The following PCED1B variants were observed in gnomAD, a reference collection of about 807,000 sequenced individuals.
The protein encoded by PCED1B is PC-esterase domain containing 1B.
For missense variants in PCED1B, 573 were observed against 573.9 expected, an observed-to-expected ratio of 1.00 and a Z score of 0.02; for synonymous variants, 251 against 246.1, an observed-to-expected ratio of 1.02 and a Z score of -0.19.
At chr12:47,125,228 A>G (rs910345119) in intron 2 of PCED1B, among the ~76,000 whole-genome samples, 1 of 151,756 alleles carries the variant, frequency 6.6e-6, no homozygotes, top group Admixed American at 6.6e-5. Flanking sequence ...TTGTTTGTGT[A>G]TTGATTGCAA....
chr12:47,228,031 T>A (rs970736756), intron 3 of PCED1B, among the ~76,000 whole-genome samples: 2 of 136,264 alleles, frequency 1.5e-5, no homozygotes, highest in Non-Finnish European at 3.1e-5. Context: ...CTTTGTTTTT[T>A]CTTTTCCTTT....
intron 3 of PCED1B, 119 bp downstream of exon 3, chr12:47,216,808 C>T (rs769025670): frequency 1.3e-5 from 2 of 152,250 alleles, no homozygotes; most frequent in African/African-American, 4.8e-5. Flanking sequence ...GCACCCTAGC[C>T]TCCTTCAGCC....
intron 2 of PCED1B, among the ~76,000 whole-genome samples, chr12:47,143,255 T>C (rs1393883234): frequency 1.3e-5 from 2 of 152,226 alleles, no homozygotes; most frequent in South Asian, 4.1e-4. Flanking sequence ...GCATCTAAAT[T>C]GGAATGATAA....
chr12:47,209,372 G>C (rs1055863467), intron 2 of PCED1B: 3 of 152,288 alleles, frequency 2.0e-5, no homozygotes, highest in African/African-American at 7.2e-5. Context: ...TGTAATCCCG[G>C]CTACTCGGGA....
intron 2 of PCED1B, among the ~76,000 whole-genome samples, chr12:47,185,660 G>C (rs752464659): frequency 2.6e-5 from 4 of 151,782 alleles, no homozygotes; most frequent in Non-Finnish European, 5.9e-5. Context: ...TTGGTGGCAG[G>C]CACCTGTAAT....
intron 2 of PCED1B, among the ~76,000 whole-genome samples, chr12:47,215,995 A>G (rs1216893758): frequency 6.6e-6 from 1 of 152,074 alleles, no homozygotes; most frequent in African/African-American, 2.4e-5. Flanking sequence ...AGAGGTTGCA[A>G]TGAGCCGAGA....
chr12:47,103,089 C>T (rs926184852), intron 1 of PCED1B, among the ~76,000 whole-genome samples: 5 of 151,806 alleles, frequency 3.3e-5, no homozygotes, highest in Admixed American at 3.3e-4. Flanking sequence ...CTGAAGCAAA[C>T]CAAGAACAGA....
At chr12:47,176,322 C>G (rs892184082) in intron 2 of PCED1B, among the ~76,000 whole-genome samples, 1 of 152,128 alleles carries the variant, frequency 6.6e-6, no homozygotes, top group African/African-American at 2.4e-5. Context: ...AGCTCCTAAT[C>G]CCTTGGAAAT....
At chr12:47,212,319 G>T (rs1484273268) in intron 2 of PCED1B, among the ~76,000 whole-genome samples, 1 of 152,112 alleles carries the variant, frequency 6.6e-6, no homozygotes, top group Non-Finnish European at 1.5e-5. Flanking sequence ...ACCGGAATTG[G>T]AAAACTAAGC....
intron 2 of PCED1B, among the ~76,000 whole-genome samples, chr12:47,178,594 C>A (rs1388021732): frequency 6.6e-6 from 1 of 151,632 alleles, no homozygotes; most frequent in East Asian, 1.9e-4. Flanking sequence ...TGAGGCCAGG[C>A]GCGGTGGTTC....
chr12:47,150,456 T>C (rs1190642138), intron 2 of PCED1B, among the ~76,000 whole-genome samples: 1 of 151,700 alleles, frequency 6.6e-6, no homozygotes, highest in Non-Finnish European at 1.5e-5. Flanking sequence ...TGCGTGCCTG[T>C]AGTCCCAGCT....
At chr12:47,222,921 G>A (rs773357504) in intron 3 of PCED1B, among the ~76,000 whole-genome samples, 10 of 152,162 alleles carry the variant, frequency 6.6e-5, no homozygotes, top group African/African-American at 1.4e-4. Flanking sequence ...AGGGTTTGGG[G>A]TGCTACTAAT....
intron 2 of PCED1B, among the ~76,000 whole-genome samples, chr12:47,176,918 G>A (rs1941943656): frequency 6.6e-6 from 1 of 152,078 alleles, no homozygotes. Context: ...AGTACGATAG[G>A]AAGAAAAACA....
intron 2 of PCED1B, among the ~76,000 whole-genome samples, chr12:47,141,110 T>C (rs1295230668): frequency 6.6e-6 from 1 of 152,214 alleles, no homozygotes; most frequent in Admixed American, 6.5e-5. Flanking sequence ...CTGGCTTTGC[T>C]CTTTACTAGG....
intron 1 of PCED1B, among the ~76,000 whole-genome samples, chr12:47,084,896 G>A (rs1937905093): frequency 6.6e-6 from 1 of 152,208 alleles, no homozygotes; most frequent in South Asian, 2.1e-4. Context: ...AGCACTTTGG[G>A]AGGCCGAGGC....
Position 47,167,515 on chromosome 12 carries a change from A to G in PCED1B, c.-525-48707A>G, listed in dbSNP as rs372867996. Among the ~76,000 whole-genome samples, 89 of 152,316 alleles carry G rather than the reference A, an allele frequency of 5.8e-4. 2 individuals carry two copies. The highest frequency in any genetic ancestry group is 2.1e-3 in the African/African-American group (89 of 41,582). ...TGTTTCACCAGAGTTGTCAGGGGAAAGAGCCAGTTGTCTTTGAATCCTGCA... is the reference window on the plus strand; with the variant it reads ...TGTTTCACCAGAGTTGTCAGGGGAAGGAGCCAGTTGTCTTTGAATCCTGCA... On this transcript the variant is annotated intron_variant, in intron 2 of 3. Transcript: ENST00000546455.
intron 3 of PCED1B, among the ~76,000 whole-genome samples, chr12:47,234,194 G>A (rs928487911): frequency 6.6e-6 from 1 of 152,014 alleles, no homozygotes; most frequent in Non-Finnish European, 1.5e-5. Context: ...CTCCGTGTTG[G>A]TCAGGCTGGT....
At chr12:47,223,618 G>A (rs999489429) in intron 3 of PCED1B, 1 of 152,230 alleles carries the variant, frequency 6.6e-6, no homozygotes, top group Non-Finnish European at 1.5e-5. Context: ...CCCTCACTGG[G>A]GGATATCCGG....
intron 2 of PCED1B, among the ~76,000 whole-genome samples, chr12:47,204,877 C>A (rs150266561): frequency 3.9e-5 from 6 of 152,206 alleles, no homozygotes; most frequent in East Asian, 3.9e-4. Context: ...CAGTTGCCTC[C>A]GTAATCATTT....
Sources: allele counts gnomAD v4.1 joint callset (sites outside exome capture counted in the v4.1 genomes callset), GRCh38; gene constraint gnomAD v4.1.1; transcripts MANE v1.5; gene names NCBI Gene and HGNC (gene_info 2026-07-23, HGNC 2026-07-21).